SSBP3: variants seen among roughly 807,000 people sequenced by gnomAD.
The protein encoded by SSBP3 is single stranded DNA binding protein 3.
In SSBP3, 5 loss-of-function variants were observed where a neutral mutation model predicts 69.6. The ratio of observed to expected loss-of-function variants is 0.07; its 90% CI spans 0.04 to 0.15. The LOEUF (loss-of-function observed/expected upper bound fraction) is 0.15. Ranked by LOEUF, SSBP3 falls within the 10% of genes least tolerant of loss-of-function variation. The probability of loss-of-function intolerance (pLI) is 1.00; values close to 1 mark genes in which losing one functional copy is unlikely to be tolerated. For synonymous variants in SSBP3, 196 were observed against 193.4 expected (o/e 1.01, Z -0.11); for missense variants, 312 against 534.0 (o/e 0.58, Z 4.10).
In SSBP3 at chr1:54,404,796, C is replaced by G. The variant is rs570945216; in HGVS notation, c.129+62G>C. On this transcript the variant is annotated intron_variant, in intron 2 of 17. Coordinates refer to ENST00000610401, the Ensembl canonical transcript of SSBP3. ...CAGTGGCTGCTCCTGAAAACAAAGG[C>G]TCTAAGAATAGTGGGGGGGGGGGGT... 20 of 1,138,600 alleles carry G rather than the reference C, an allele frequency of 1.8e-5. No homozygotes were observed. In the African/African-American group the frequency reaches 3.7e-4, roughly 21 times the overall value. The allele number at this position is 1,138,600 out of a possible 1,614,324, so 70.5% of individuals were successfully genotyped here.
intron 6 of SSBP3, among the ~76,000 whole-genome samples, chr1:54,257,837 G>T (rs139293230): frequency 6.6e-6 from 1 of 152,312 alleles, no homozygotes; most frequent in African/African-American, 2.4e-5. Context: ...CAGCTGACAA[G>T]GTCACAGAAA....
At chr1:54,301,966 C>A (rs1645810398) in intron 4 of SSBP3, among the ~76,000 whole-genome samples, 1 of 151,890 alleles carries the variant, frequency 6.6e-6, no homozygotes, top group Non-Finnish European at 1.5e-5. Context: ...CCTATGGCAC[C>A]AATCCCTGGG....
intron 4 of SSBP3, among the ~76,000 whole-genome samples, chr1:54,345,997 A>G (rs1313435128): frequency 6.6e-6 from 1 of 151,422 alleles, no homozygotes; most frequent in Non-Finnish European, 1.5e-5. Flanking sequence ...AAAAAAAAAA[A>G]AACAAAACAA....
At chr1:54,345,893 G>A (rs1290988383) in intron 4 of SSBP3, among the ~76,000 whole-genome samples, 1 of 151,642 alleles carries the variant, frequency 6.6e-6, no homozygotes, top group African/African-American at 2.4e-5. Flanking sequence ...TGTAATTCCA[G>A]CACTTTGGGA....
chr1:54,319,221 C>T (rs776356720), intron 4 of SSBP3, among the ~76,000 whole-genome samples: 3 of 152,114 alleles, frequency 2.0e-5, no homozygotes, highest in Non-Finnish European at 4.4e-5. Context: ...TGAGGCTCAG[C>T]GAAGAGCTAA....
intron 4 of SSBP3, among the ~76,000 whole-genome samples, chr1:54,342,924 C>T (rs78673542): frequency 0.035 from 5,292 of 152,272 alleles, 103 homozygotes; most frequent in Non-Finnish European, 0.04. Flanking sequence ...GAAAACGCTC[C>T]CCGATGCCGA....
intron 4 of SSBP3, among the ~76,000 whole-genome samples, chr1:54,351,001 AT>A (rs1417422990): frequency 6.6e-6 from 1 of 151,862 alleles, no homozygotes; most frequent in African/African-American, 2.4e-5. Flanking sequence ...ATCTTTTTGT[AT>A]TTTTTGTAGA....
chr1:54,337,833 A>G (rs1646537465), intron 4 of SSBP3, among the ~76,000 whole-genome samples: 1 of 152,074 alleles, frequency 6.6e-6, no homozygotes, highest in Non-Finnish European at 1.5e-5. Context: ...TTTTGGGCAT[A>G]AAAAATAAAA....
rs114472681 is a variant in SSBP3, at chr1:54,254,788, G to A, written c.507+2339C>T. 7.1e-3 allele frequency among the ~76,000 whole-genome samples: 1,074 copies of A among 152,228 alleles called. 10 individuals are homozygous for A. Among genetic ancestry groups the A allele is most frequent in the African/African-American group, 0.025 (1,030 of 41,524 alleles). On this transcript the variant is annotated intron_variant, in intron 7 of 17. Coordinates refer to ENST00000610401, the Ensembl canonical transcript of SSBP3. ...TCTTTGGAGGATAGAAATTTCTTGA[G>A]GTCACAGGAAACTGGAAAACCAGTG...
chr1:54,264,677 C>T (rs890120069), intron 5 of SSBP3, among the ~76,000 whole-genome samples: 3 of 152,206 alleles, frequency 2.0e-5, no homozygotes, highest in African/African-American at 4.8e-5. Context: ...GATTCTCTCA[C>T]GGGTCACGAA....
At chr1:54,410,717 TC>T (rs2100849577), upstream of SSBP3, among the ~76,000 whole-genome samples, 1 of 152,264 alleles carries the variant, frequency 6.6e-6, no homozygotes, top group South Asian at 2.1e-4. Context: ...CAAGTGACCT[TC>T]CCCTCTGAGC....
At chr1:54,404,814 G>GGGA (rs769893307) in intron 2 of SSBP3, 44 bp downstream of exon 2, 14 of 1,057,498 alleles carry the variant, frequency 1.3e-5, no homozygotes, top group Non-Finnish European at 1.9e-5. Flanking sequence ...ATAGTGGGGG[G>GGGA]GGGGGGTGTC....
chr1:54,300,411 C>G (rs1645780589), intron 4 of SSBP3, among the ~76,000 whole-genome samples: 1 of 152,158 alleles, frequency 6.6e-6, no homozygotes. Flanking sequence ...GGGCCCAGAG[C>G]AGGTGCTCGG....
chr1:54,309,243 G>A (rs1389340082), intron 4 of SSBP3, among the ~76,000 whole-genome samples: 2 of 152,190 alleles, frequency 1.3e-5, no homozygotes, highest in African/African-American at 4.8e-5. Flanking sequence ...ACTGAGGCAT[G>A]AGCCCTGCCC....
At chr1:54,241,043 C>T (rs1644627751) in intron 12 of SSBP3, 84 bp from the exon 13 acceptor site, 1 of 1,459,838 alleles carries the variant, frequency 6.9e-7, no homozygotes, top group Non-Finnish European at 9.3e-7. Flanking sequence ...CCCTGGTCAG[C>T]AGCAACTGCT....
chr1:54,347,136 AT>A (rs747356095), intron 4 of SSBP3, among the ~76,000 whole-genome samples: 24 of 151,994 alleles, frequency 1.6e-4, no homozygotes, highest in Admixed American at 5.9e-4. Context: ...TAATTTATTT[AT>A]TTAATTTTTA....
At position 54,238,685 on chromosome 1, in the gene SSBP3, C is replaced by T. The variant is rs1036834000; in HGVS notation, c.927+444G>A. 3.5e-5 allele frequency: 11 copies of T among 315,190 alleles called. No individual in the cohort carries two copies. The South Asian group carries it at 3.5e-4, about 10-fold the overall frequency. 19.5% of individuals were successfully genotyped at this position (315,190 alleles called of 1,614,324 possible). ...GGAGTTCCAGAGCTCCTGGCAGCAG[C>T]ACAGGCAGGCGGGTCCCCCAGCGAG... On this transcript the variant is annotated intron_variant, in intron 14 of 17. Coordinates refer to ENST00000610401, the Ensembl canonical transcript of SSBP3.
intron 9 of SSBP3, among the ~76,000 whole-genome samples, chr1:54,246,564 G>A (rs983693836): frequency 3.3e-5 from 5 of 152,190 alleles, no homozygotes; most frequent in Non-Finnish European, 5.9e-5. Context: ...CATGCAGTAC[G>A]CAGCGCTGAG....
chr1:54,331,799 C>T (rs1439298357), intron 4 of SSBP3, among the ~76,000 whole-genome samples: 1 of 152,212 alleles, frequency 6.6e-6, no homozygotes, highest in African/African-American at 2.4e-5. Flanking sequence ...TGGTGCCTTG[C>T]CCCAACTGCC....
Sources: gnomAD v4.1 joint callset for allele counts (sites outside exome capture counted in the v4.1 genomes callset) on GRCh38, gnomAD v4.1.1 for gene constraint, MANE v1.5 for transcripts, NCBI Gene and HGNC (gene_info 2026-07-23, HGNC 2026-07-21) for gene names.